The following CHD1L variants were observed in gnomAD, a reference collection of about 807,000 sequenced individuals.
CHD1L encodes ATP-dependent chromatin remodeler CHD1L.
In CHD1L, 118 loss-of-function variants were observed where a neutral mutation model predicts 115.9. The ratio of observed to expected loss-of-function variants is 1.02; its 90% confidence interval spans 0.88 to 1.19. CHD1L has a LOEUF of 1.19. Ranked by LOEUF, CHD1L falls within the 50% of genes most tolerant of loss-of-function variation. CHD1L has a pLI of 0.00. For synonymous variants in CHD1L, 411 were observed against 387.1 expected, an observed-to-expected ratio of 1.06 and a Z score of -0.72; for missense variants, 1,179 against 1,065.3, an observed-to-expected ratio of 1.11 and a Z score of -1.49.
At chr1:147,177,996 C>T in the CHD1L span, 4 of 572,628 alleles carry the variant, frequency 7.0e-6, no homozygotes, top group Non-Finnish European at 1.2e-5. Flanking sequence ...TGAATCTGAT[C>T]CTGGAACACA....
At chr1:147,187,850 T>C in the CHD1L span, among the ~76,000 whole-genome samples, 1 of 152,218 alleles carries the variant, frequency 6.6e-6, no homozygotes, top group African/African-American at 2.4e-5. Flanking sequence ...ATGTGGTTGA[T>C]TAACAGTGAT....
At chr1:147,255,070 C>T (rs587600213) in intron 3 of CHD1L, 94 bp downstream of exon 3, 9 of 888,174 alleles carry the variant, frequency 1.0e-5, no homozygotes, top group Admixed American at 2.9e-5. Context: ...AACCTATTGT[C>T]GTAATTAGTA....
chr1:147,186,931 G>T, the CHD1L span: 48 of 1,613,870 alleles, frequency 3.0e-5, no homozygotes, highest in East Asian at 8.9e-5. Flanking sequence ...AGCAAAGAAG[G>T]CAAGAGCTAG....
chr1:147,263,992 T>C (rs188243156), intron 6 of CHD1L, among the ~76,000 whole-genome samples: 1 of 152,304 alleles, frequency 6.6e-6, no homozygotes, highest in Non-Finnish European at 1.5e-5. Context: ...TTGCTTGCAG[T>C]GGTGGGGCCT....
At chr1:147,236,308 T>G in the CHD1L span, among the ~76,000 whole-genome samples, 1 of 152,150 alleles carries the variant, frequency 6.6e-6, no homozygotes, top group Non-Finnish European at 1.5e-5. Flanking sequence ...CCTCTCTCCT[T>G]CTCTCTTCTC....
chr1:147,243,434 C>G (rs1354000717), intron 1 of CHD1L, among the ~76,000 whole-genome samples: 1 of 151,910 alleles, frequency 6.6e-6, no homozygotes, highest in Non-Finnish European at 1.5e-5. Flanking sequence ...GTACTATATG[C>G]CAACTTAGCT....
At chr1:147,187,139 T>G in the CHD1L span, 4 of 1,614,024 alleles carry the variant, frequency 2.5e-6, no homozygotes. Context: ...TTGGGGTCAG[T>G]GAAGGCCAGA....
chr1:147,227,881 G>C, the CHD1L span, among the ~76,000 whole-genome samples: 1 of 152,076 alleles, frequency 6.6e-6, no homozygotes, highest in African/African-American at 2.4e-5. Context: ...TTTGCATTTT[G>C]CCCATATTCA....
At chr1:147,220,270 T>C in the CHD1L span, among the ~76,000 whole-genome samples, 7 of 152,212 alleles carry the variant, frequency 4.6e-5, no homozygotes, top group Admixed American at 2.0e-4. Context: ...TAAGCATGAA[T>C]TAGAAAACAC....
the CHD1L span, among the ~76,000 whole-genome samples, chr1:147,183,424 ACTATG>A: frequency 2.0e-5 from 3 of 152,214 alleles, no homozygotes; most frequent in Non-Finnish European, 2.9e-5. Flanking sequence ...CTGAGGTCTT[ACTATG>A]TTTCAGCCAC....
At chr1:147,234,320 C>G in the CHD1L span, among the ~76,000 whole-genome samples, 2 of 152,192 alleles carry the variant, frequency 1.3e-5, no homozygotes, top group African/African-American at 4.8e-5. Context: ...GACTTTGTCA[C>G]CCCCAGGATC....
At chr1:147,276,007 T>C (rs1211703193) in intron 13 of CHD1L, 97 bp from the exon 14 acceptor site, 32 of 1,185,638 alleles carry the variant, frequency 2.7e-5, no homozygotes, top group Non-Finnish European at 3.6e-5. Flanking sequence ...GAATATGGTA[T>C]TTGGTTTTGT....
In CHD1L at chr1:147,295,698, T is replaced by C. The variant is rs1553976747; in HGVS notation, c.*189T>C. The C allele has an allele frequency of 3.8e-6, 2 of 521,020 alleles. No individual in the cohort carries two copies. The highest frequency in any genetic ancestry group is 6.7e-5 in the East Asian group (2 of 29,956). The allele number at this position is 521,020 out of a possible 1,614,324, so 32.3% of individuals were successfully genotyped here. ...TACCTGTAATATAGGGAAACACAACTTTTTTTGGGAAAGCCCTTTGACCCC... is the reference window on the plus strand; with the variant it reads ...TACCTGTAATATAGGGAAACACAACCTTTTTTGGGAAAGCCCTTTGACCCC... On this transcript the variant is annotated 3_prime_UTR_variant, in exon 23 of 23. Coordinates refer to ENST00000369258, the MANE Select transcript of CHD1L (RefSeq NM_004284.6).
the CHD1L span, chr1:147,213,549 C>A: frequency 1.6e-6 from 2 of 1,251,030 alleles, no homozygotes; most frequent in Non-Finnish European, 2.2e-6. Flanking sequence ...GGGCTGATAT[C>A]ACAGACACTA....
In CHD1L at chr1:147,264,451, C is replaced by G; in HGVS notation, c.606C>G (p.Thr202=). 6.2e-7 allele frequency: 1 copy of G among 1,612,138 alleles called. No individual in the cohort carries two copies. Among genetic ancestry groups the G allele is most frequent in the Non-Finnish European group, 8.5e-7 (1 of 1,179,110 alleles). Residue 202 remains threonine, a synonymous_variant, in exon 7 of 23, where the codon ACC becomes ACG. Transcript: ENST00000369258. ...CAGTAGTCTTCAGTCTCCTGTTGAC[C>G]GGAACTCCCATCCAGAACAGCCTCC... ...EFSVVFSLLL[T]GTPIQNSLQE... is the part of the protein sequence containing the mutation.
At chr1:147,288,274 G>C (rs1435317823) in intron 19 of CHD1L, among the ~76,000 whole-genome samples, 1 of 129,540 alleles carries the variant, frequency 7.7e-6, no homozygotes, top group African/African-American at 2.9e-5. Context: ...GCAGTGAGCT[G>C]TGATTACACC....
chr1:147,187,184 C>G, the CHD1L span: 2 of 1,614,000 alleles, frequency 1.2e-6, no homozygotes, highest in African/African-American at 2.7e-5. Context: ...ACCAAATCAG[C>G]AAGCTCTTCC....
the CHD1L span, among the ~76,000 whole-genome samples, chr1:147,229,565 TG>T: frequency 6.6e-6 from 1 of 152,224 alleles, no homozygotes; most frequent in Non-Finnish European, 1.5e-5. Context: ...GGTTGCTTGA[TG>T]GGGATGGCAT....
chr1:147,238,642 A>G (rs1473924348), upstream of CHD1L, among the ~76,000 whole-genome samples: 2 of 152,180 alleles, frequency 1.3e-5, no homozygotes, highest in Non-Finnish European at 2.9e-5. Context: ...AAAACACTGG[A>G]CCAGCTTCCT....
Sources: gnomAD v4.1 joint callset for allele counts (sites outside exome capture counted in the v4.1 genomes callset) on GRCh38, gnomAD v4.1.1 for gene constraint, MANE v1.5 for transcripts, NCBI Gene and HGNC (gene_info 2026-07-23, HGNC 2026-07-21) for gene names.